Variants in FOXN3 observed in about 807,000 individuals in gnomAD.
FOXN3 encodes forkhead box N3.
In FOXN3, 7 loss-of-function variants were observed where a neutral mutation model predicts 38.4. The ratio of observed to expected loss-of-function variants is 0.18; its 90% CI spans 0.10 to 0.34. FOXN3 has a LOEUF of 0.34. FOXN3 is among the 10% of genes least tolerant of loss of function. The pLI, the probability that FOXN3 is intolerant of heterozygous loss-of-function variation, is 1.00. For synonymous variants in FOXN3, 230 were observed against 242.2 expected, an observed-to-expected ratio of 0.95 and a Z score of 0.47; for missense variants, 456 against 613.4, an observed-to-expected ratio of 0.74 and a Z score of 2.71.
chr14:89,325,507 GAGGTGAAAC>G (rs1566957009), intron 3 of FOXN3, among the ~76,000 whole-genome samples: 1 of 152,184 alleles, frequency 6.6e-6, no homozygotes, highest in East Asian at 1.9e-4. Context: ...GCAAGAGTAA[GAGGTGAAAC>G]AGTTCTAAAT....
chr14:89,389,514 CTCTT>C (rs1334257107), intron 2 of FOXN3, among the ~76,000 whole-genome samples: 2 of 152,200 alleles, frequency 1.3e-5, no homozygotes, highest in Admixed American at 1.3e-4. Context: ...GAGAATTACG[CTCTT>C]TCTAACTCCT....
intron 1 of FOXN3, among the ~76,000 whole-genome samples, chr14:89,509,427 T>A (rs1283001101): frequency 6.6e-6 from 1 of 152,186 alleles, no homozygotes; most frequent in African/African-American, 2.4e-5. Flanking sequence ...CTCCACCTCC[T>A]GGGTTCAAGC....
intron 4 of FOXN3, among the ~76,000 whole-genome samples, chr14:89,228,780 T>C (rs1291719403): frequency 6.6e-6 from 1 of 152,218 alleles, no homozygotes; most frequent in Non-Finnish European, 1.5e-5. Flanking sequence ...AATAAACTGA[T>C]TTCCTAATCC....
rs1176038170 is a variant in FOXN3 at position 89,412,190 on chromosome 14, G to A, written c.287C>T (p.Pro96Leu). 3.1e-6 allele frequency: 5 copies of A among 1,612,748 alleles called. No homozygotes were observed. Among genetic ancestry groups the A allele is most frequent in the East Asian group, 2.2e-5 (1 of 44,862 alleles). The change falls in exon 2 of 6, where the codon CCA becomes CTA. Residue 96 changes from proline to leucine, a missense_variant. Physicochemically the swap from Pro to Leu is moderately conservative, Grantham distance 98. This residue lies in a region of FOXN3 where 386 missense variants were observed against 505.2 expected (regional missense o/e 0.76). Transcript: ENST00000557258. The surrounding 1 kb of genome is among the most constrained non-coding windows in gnomAD (Gnocchi z 4.7). ...GGGCATGTCAGAGTGGGCAGGGGAT[G>A]GGGGGGTGTCATCGTCCAGGTCCTG... ...PVQDLDDDTP[P>L]SPAHSDMPYD...
At chr14:89,171,122 A>C (rs2139783806) in intron 5 of FOXN3, among the ~76,000 whole-genome samples, 1 of 152,286 alleles carries the variant, frequency 6.6e-6, no homozygotes, top group African/African-American at 2.4e-5. Flanking sequence ...ATAAGGAATA[A>C]AAAAGGGACA....
intron 2 of FOXN3, among the ~76,000 whole-genome samples, chr14:89,394,219 T>TC (rs1213343109): frequency 6.8e-6 from 1 of 147,984 alleles, no homozygotes; most frequent in African/African-American, 2.5e-5. Context: ...GTTCTTTTTT[T>TC]TTTTTTTTTT....
intron 4 of FOXN3, among the ~76,000 whole-genome samples, chr14:89,275,246 C>T (rs1369170900): frequency 6.6e-6 from 1 of 152,192 alleles, no homozygotes; most frequent in African/African-American, 2.4e-5. Flanking sequence ...GTATCTTCAG[C>T]CAGCCTTCCA....
chr14:89,583,639 C>T (rs1056385236), intron 1 of FOXN3, among the ~76,000 whole-genome samples: 1 of 152,198 alleles, frequency 6.6e-6, no homozygotes, highest in Non-Finnish European at 1.5e-5. Context: ...CATCTCACTA[C>T]AACCTCTGCC....
chr14:89,385,292 T>C (rs1272547065), intron 2 of FOXN3, among the ~76,000 whole-genome samples: 1 of 151,938 alleles, frequency 6.6e-6, no homozygotes, highest in Non-Finnish European at 1.5e-5. Context: ...TTGGCCAATA[T>C]CTATAGAGAG....
Position 89,290,586 on chromosome 14 carries a change from A to G in FOXN3, c.681-9572T>C. On this transcript the variant is annotated intron_variant, in intron 3 of 5. Transcript: ENST00000557258. ...TTGTTTCAGCTCAGTCTCTGAAATC[A>G]CAAGGTCATTCCTGTCTTCTTGGTA... The G allele has an allele frequency of 5.4e-6, 3 of 556,770 alleles. 1 individual carries two copies. Among genetic ancestry groups the G allele is most frequent in the South Asian group, 4.3e-5 (3 of 69,214 alleles). The allele number at this position is 556,770 out of a possible 1,614,324, so 34.5% of individuals were successfully genotyped here. A position where few individuals can be genotyped will look rare whatever the true frequency, so the allele number is the denominator to read the frequency against.
rs903072818 is a variant in FOXN3 at position 89,286,561 on chromosome 14, A to G, written c.681-5547T>C. Reference sequence around the variant, plus strand: ...CTTCGGATGGGTGACATCTACCACCAGACTGCAATTTCCCCAGGAATAAAA... The same window carrying G: ...CTTCGGATGGGTGACATCTACCACCGGACTGCAATTTCCCCAGGAATAAAA... On this transcript the variant is annotated intron_variant, in intron 3 of 5. Transcript: ENST00000557258. 5.3e-5 allele frequency among the ~76,000 whole-genome samples: 8 copies of G among 152,354 alleles called. No homozygotes were observed. In the Middle Eastern group the frequency reaches 0.01, roughly 194 times the overall value.
intron 1 of FOXN3, among the ~76,000 whole-genome samples, chr14:89,448,005 G>A (rs1169939859): frequency 2.6e-5 from 4 of 151,636 alleles, no homozygotes; most frequent in Non-Finnish European, 5.9e-5. Context: ...GTAGAGACGG[G>A]GTTTCACCAT....
chr14:89,611,076 C>T (rs1896378264), intron 1 of FOXN3, among the ~76,000 whole-genome samples: 1 of 152,040 alleles, frequency 6.6e-6, no homozygotes, highest in East Asian at 1.9e-4. Context: ...GTGGCATGCC[C>T]AGTGATGATT....
rs71897384 is a variant in FOXN3 at position 89,381,532 on chromosome 14, CAAAAAAAAA to C, written c.543+30393_543+30401del. Among the ~76,000 whole-genome samples the C allele has an allele frequency of 1.2e-4, 9 of 75,940 alleles. No homozygotes were observed. The East Asian group carries it at 3.2e-3, about 27-fold the overall frequency. 49.8% of individuals were successfully genotyped at this position (75,940 alleles called of 152,430 possible). ...GCAGCCCAAAAAAAGCCTCAAAAAG[CAAAAAAAAA>C]AAAAAAAAAAAAAGGTTTGCTTAAG... On this transcript the variant is annotated intron_variant, in intron 2 of 5. Transcript: ENST00000557258.
At chr14:89,294,233 C>G (rs1886968119) in intron 3 of FOXN3, among the ~76,000 whole-genome samples, 1 of 152,206 alleles carries the variant, frequency 6.6e-6, no homozygotes, top group Non-Finnish European at 1.5e-5. Flanking sequence ...CTGCCTGACA[C>G]CTCAGCAGCA....
intron 4 of FOXN3, among the ~76,000 whole-genome samples, chr14:89,225,348 T>TAATC (rs1884602124): frequency 1.3e-5 from 2 of 151,560 alleles, no homozygotes; most frequent in Admixed American, 6.6e-5. Context: ...CTCATGCCTG[T>TAATC]AATCCCAGCA....
intron 1 of FOXN3, among the ~76,000 whole-genome samples, chr14:89,547,133 G>A (rs955855546): frequency 5.3e-5 from 8 of 152,190 alleles, no homozygotes; most frequent in South Asian, 4.1e-4. Context: ...GGTGGCTCAC[G>A]CCTGTAATCA....
chr14:89,417,750 C>T (rs1891792035), upstream of FOXN3: 1 of 455,904 alleles, frequency 2.2e-6, no homozygotes, highest in East Asian at 7.0e-5. Context: ...GATAGGACCC[C>T]CAGGGCCTTC....
intron 2 of FOXN3, among the ~76,000 whole-genome samples, chr14:89,379,792 C>G (rs756841422): frequency 6.6e-6 from 1 of 152,232 alleles, no homozygotes; most frequent in South Asian, 2.1e-4. Context: ...TCCCGAGTAG[C>G]TGGGATTATA....
Sources: allele counts gnomAD v4.1 joint callset (sites outside exome capture counted in the v4.1 genomes callset), GRCh38; gene constraint gnomAD v4.1.1; regional missense constraint gnomAD v4.1.1; non-coding constraint Gnocchi (gnomAD v3.1); transcripts MANE v1.5; gene names NCBI Gene and HGNC (gene_info 2026-07-23, HGNC 2026-07-21).